The following GSTM3 variants were observed in gnomAD, a reference collection of about 807,000 sequenced individuals.
GSTM3 encodes the protein GST class-mu 3.
Under a neutral mutation model 36.1 loss-of-function variants are expected in GSTM3, and 34 were observed. The observed-to-expected ratio is 0.94, with a 90% CI of 0.72 to 1.25. The LOEUF is 1.25. Ranked by LOEUF, GSTM3 falls within the 50% of genes most tolerant of loss-of-function variation. The pLI, the probability that GSTM3 is intolerant of heterozygous loss-of-function variation, is 0.00. For synonymous variants in GSTM3, 102 were observed against 99.5 expected (o/e 1.03, Z -0.15); for missense variants, 266 against 281.6 (o/e 0.94, Z 0.40).
chr1:109,739,465 C>G lies in GSTM3; in HGVS notation c.153G>C (p.Leu51=). The G allele has an allele frequency of 6.2e-7, 1 of 1,612,594 alleles. No individual in the cohort carries two copies. The highest frequency in any genetic ancestry group is 1.3e-5 in the African/African-American group (1 of 75,036). The part of the protein sequence containing the change: ...EAPDYDRSQW[L]DVKFKLDLDF... Reference sequence around the variant, plus strand: ...CCAGGTCTAGCTTGAATTTCACATCCAGCCATTGGCTTCGATCATAGTCAG... The same window carrying G: ...CCAGGTCTAGCTTGAATTTCACATCGAGCCATTGGCTTCGATCATAGTCAG... Residue 51 remains leucine, a synonymous_variant, in exon 4 of 9, where the codon CTG becomes CTC. Coordinates refer to ENST00000361066, the MANE Select transcript of GSTM3 (RefSeq NM_000849.5).
intron 1 of GSTM3, 43 bp from the exon 2 acceptor site, chr1:109,740,554 C>T: frequency 1.9e-6 from 1 of 520,472 alleles, no homozygotes; most frequent in South Asian, 2.3e-5. Context: ...TCCTCCCTTC[C>T]CCGCGGGTGG....
chr1:109,740,316 T>G lies in GSTM3; in HGVS notation c.-29A>C, dbSNP rs377516267. The G allele has an allele frequency of 1.0e-5, 16 of 1,607,442 alleles. No homozygotes were observed. Among genetic ancestry groups the G allele is most frequent in the Admixed American group, 1.7e-5 (1 of 59,806 alleles). On this transcript the variant is annotated 5_prime_UTR_variant, in exon 2 of 9. Transcript: ENST00000361066. ...GACGGGCTTCCGAGCCTTCGAGGAC[T>G]AGGGAAACTGTGAGCGGGAGGGGCT...
intron 4 of GSTM3, among the ~76,000 whole-genome samples, chr1:109,738,846 C>T (rs1370492478): frequency 2.5e-4 from 38 of 152,268 alleles, no homozygotes; most frequent in Non-Finnish European, 2.9e-5. Flanking sequence ...TCAGGCTGGG[C>T]ACAGTGGCTC....
chr1:109,736,085 A>G lies in GSTM3; in HGVS notation c.*986T>C, dbSNP rs1370430985. 6.6e-6 allele frequency: 1 copy of G among 152,248 alleles called. No individual in the cohort carries two copies. The highest frequency in any genetic ancestry group is 2.4e-5 in the African/African-American group (1 of 41,458). The allele number at this position is 152,248 out of a possible 1,614,324, so 9.4% of individuals were successfully genotyped here. ...TTCCTAAGCCTTGCCAACACTTTAG[A>G]AACTTTTTACTCATCGGATAGAAGG... On this transcript the variant is annotated 3_prime_UTR_variant, in exon 9 of 9. Transcript: ENST00000361066.
Position 109,736,121 on chromosome 1 carries a change from T to C in GSTM3, c.*950A>G, listed in dbSNP as rs1447780278. On this transcript the variant is annotated 3_prime_UTR_variant, in exon 9 of 9. Coordinates refer to ENST00000361066, the MANE Select transcript of GSTM3 (RefSeq NM_000849.5). ...TCATCGGATAGAAGGAAATATGGTTTCTCACTGTTGTAATTGATAATTCCT... is the reference window on the plus strand; with the variant it reads ...TCATCGGATAGAAGGAAATATGGTTCCTCACTGTTGTAATTGATAATTCCT... 6.6e-6 allele frequency: 1 copy of C among 152,254 alleles called. No homozygotes were observed. The highest frequency in any genetic ancestry group is 2.4e-5 in the African/African-American group (1 of 41,468). The allele number at this position is 152,254 out of a possible 1,614,324, so 9.4% of individuals were successfully genotyped here. A position where few individuals can be genotyped will look rare whatever the true frequency, so the allele number is the denominator to read the frequency against.
In GSTM3 at chr1:109,740,248, T is replaced by C; in HGVS notation, c.40A>G (p.Ile14Val). Residue 14 changes from isoleucine (I) to valine (V), a missense_variant, in exon 2 of 9, where the codon ATT becomes GTT. By Grantham distance (29) the Ile-to-Val change is conservative. Transcript: ENST00000361066. ...ESSMVLGYWD[I>V]RGLAHAIRLL... ...GTTGAGACGGCACTCACCCCACGAA[T>C]ATCCCAGTACCCGAGAACCATAGAC... 1 of 1,613,468 alleles carries C rather than the reference T, an allele frequency of 6.2e-7. No homozygotes were observed. Among genetic ancestry groups the C allele is most frequent in the Non-Finnish European group, 8.5e-7 (1 of 1,179,578 alleles).
chr1:109,735,639 T>TAG lies in GSTM3; in HGVS notation c.*1431_*1432insCT, dbSNP rs1408565194. Reference sequence around the variant, plus strand: ...AGTATATGTCTCTTTGAATGTTTTTTTTTTTTTTTTTTTTTTTTTTTTGAG... The same window carrying TAG: ...AGTATATGTCTCTTTGAATGTTTTTTAGTTTTTTTTTTTTTTTTTTTTTTGAG... On this transcript the variant is annotated 3_prime_UTR_variant, in exon 9 of 9. Coordinates refer to ENST00000361066, the MANE Select transcript of GSTM3 (RefSeq NM_000849.5). The TAG allele has an allele frequency of 6.0e-5, 8 of 133,880 alleles. No homozygotes were observed. The South Asian group carries it at 1.6e-3, about 27-fold the overall frequency. The allele number at this position is 133,880 out of a possible 1,614,324, so 8.3% of individuals were successfully genotyped here. A position where few individuals can be genotyped will look rare whatever the true frequency, so the allele number is the denominator to read the frequency against.
At position 109,736,807 on chromosome 1, in the gene GSTM3, T is replaced by A; in HGVS notation, c.*264A>T. 1 of 419,616 alleles carries A rather than the reference T, an allele frequency of 2.4e-6. No homozygotes were observed. Among genetic ancestry groups the A allele is most frequent in the East Asian group, 4.9e-5 (1 of 20,502 alleles). 26.0% of individuals were successfully genotyped at this position (419,616 alleles called of 1,614,324 possible). On this transcript the variant is annotated 3_prime_UTR_variant, in exon 9 of 9. Coordinates refer to ENST00000361066, the MANE Select transcript of GSTM3 (RefSeq NM_000849.5). The stretch of plus-strand genomic sequence containing the variant: ...TCTCCAACTGTGCAATCTCGTTTTT[T>A]CTAGTACCCACTCTCAGGGCTTGGG...
At chr1:109,740,126 C>A in intron 2 of GSTM3, 114 bp downstream of exon 2, 1 of 1,055,670 alleles carries the variant, frequency 9.5e-7, no homozygotes, top group Middle Eastern at 2.0e-4. Context: ...GGCTCGGCAG[C>A]TCGAAAAGGC....
intron 8 of GSTM3, 63 bp from the exon 9 acceptor site, chr1:109,737,232 A>C (rs922412623): frequency 1.8e-6 from 2 of 1,132,284 alleles, no homozygotes; most frequent in African/African-American, 3.0e-5. Context: ...TGCATACCAG[A>C]ACAGCAACAT....
chr1:109,740,719 C>T (rs1162007387), intron 1 of GSTM3, among the ~76,000 whole-genome samples: 3 of 152,208 alleles, frequency 2.0e-5, no homozygotes, highest in African/African-American at 7.2e-5. Flanking sequence ...TGGGGCAAGG[C>T]CGGAGAGTCA....
chr1:109,740,217 T>C (rs1649330631), intron 2 of GSTM3, 23 bp downstream of exon 2: 2 of 1,607,790 alleles, frequency 1.2e-6, no homozygotes, highest in African/African-American at 1.3e-5. Flanking sequence ...ACCGAGCGGC[T>C]CTACCGTTGA....
Position 109,737,665 on chromosome 1 carries a change from G to C in GSTM3, c.459C>G (p.Ala153=), listed in dbSNP as rs376876889. The C allele has an allele frequency of 6.2e-7, 1 of 1,607,372 alleles. No homozygotes were observed. Among genetic ancestry groups the C allele is most frequent in the Non-Finnish European group, 8.5e-7 (1 of 1,174,910 alleles). ...SMFLGKFSWF[A]GEKLTFVDFL... ...TTTCCCTTCTTCCTACCTTTTCCCC[G>C]GCAAACCATGAGAATTTCCCCAGAA... Residue 153 remains alanine, a synonymous_variant, in exon 7 of 9, where the codon GCC becomes GCG. Coordinates refer to ENST00000361066, the MANE Select transcript of GSTM3 (RefSeq NM_000849.5).
chr1:109,740,006 C>T, intron 2 of GSTM3, 98 bp from the exon 3 acceptor site: 1 of 1,076,264 alleles, frequency 9.3e-7, no homozygotes, highest in East Asian at 2.6e-5. Flanking sequence ...GTCCCTGCGT[C>T]CTGCCGGGGC....
chr1:109,738,768 C>T (rs945803352), intron 4 of GSTM3, among the ~76,000 whole-genome samples: 5 of 152,152 alleles, frequency 3.3e-5, no homozygotes, highest in African/African-American at 1.2e-4. Flanking sequence ...TATATATTTA[C>T]TTACATGTAT....
chr1:109,737,969 T>G, intron 6 of GSTM3, 122 bp downstream of exon 6: 1 of 728,312 alleles, frequency 1.4e-6, no homozygotes, highest in South Asian at 1.6e-5. Context: ...CTGTTTCTTA[T>G]TCTAACAATC....
chr1:109,737,967 T>A (rs748355137), intron 6 of GSTM3, 124 bp downstream of exon 6: 2 of 722,210 alleles, frequency 2.8e-6, no homozygotes, highest in Admixed American at 2.4e-5. Flanking sequence ...TTCTGTTTCT[T>A]ATTCTAACAA....
chr1:109,740,083 G>C (rs749382367), intron 2 of GSTM3, 157 bp downstream of exon 2: 1 of 880,338 alleles, frequency 1.1e-6, no homozygotes, highest in Non-Finnish European at 1.8e-6. Flanking sequence ...CAGGGCCCGC[G>C]ATCCCAGAGG....
At chr1:109,740,070 C>T in intron 2 of GSTM3, 162 bp from the exon 3 acceptor site, 1 of 876,316 alleles carries the variant, frequency 1.1e-6, no homozygotes, top group Non-Finnish European at 1.8e-6. Context: ...CCGCCCCTCC[C>T]CACAGGGCCC....
Sources: allele counts gnomAD v4.1 joint callset (sites outside exome capture counted in the v4.1 genomes callset), GRCh38; gene constraint gnomAD v4.1.1; transcripts MANE v1.5; gene names NCBI Gene and HGNC (gene_info 2026-07-23, HGNC 2026-07-21).